Variants in PLEKHA2 observed in about 807,000 individuals in gnomAD.
PLEKHA2 encodes pleckstrin homology domain containing A2, also known as pleckstrin homology domain-containing family A member 2.
Under a neutral mutation model 53.2 loss-of-function variants are expected in PLEKHA2, and 28 were observed. The ratio of observed to expected loss-of-function variants is 0.53; its 90% CI spans 0.39 to 0.72. The LOEUF is 0.72. PLEKHA2 is among the 30% of genes least tolerant of loss of function. The pLI is 0.00. For missense variants in PLEKHA2, 426 were observed against 537.9 expected, an observed-to-expected ratio of 0.79 and a Z score of 2.06; for synonymous variants, 193 against 196.4, an observed-to-expected ratio of 0.98 and a Z score of 0.14.
At chr8:38,913,079 C>A (rs1254425984) in intron 1 of PLEKHA2, among the ~76,000 whole-genome samples, 1 of 152,080 alleles carries the variant, frequency 6.6e-6, no homozygotes, top group Non-Finnish European at 1.5e-5. Context: ...AAAAGACAGG[C>A]ATGACCAGGC....
intron 3 of PLEKHA2, among the ~76,000 whole-genome samples, chr8:38,939,380 G>T (rs1834556700): frequency 6.6e-6 from 1 of 152,224 alleles, no homozygotes; most frequent in South Asian, 2.1e-4. Flanking sequence ...GGCAGAACCA[G>T]AACCGATCCT....
intron 3 of PLEKHA2, among the ~76,000 whole-genome samples, chr8:38,940,454 G>A (rs1834584676): frequency 6.6e-6 from 1 of 152,024 alleles, no homozygotes; most frequent in South Asian, 2.1e-4. Flanking sequence ...TGGGTTCTGA[G>A]GGCTGGGATG....
At chr8:38,938,686 T>C (rs2129419707) in intron 3 of PLEKHA2, among the ~76,000 whole-genome samples, 1 of 152,302 alleles carries the variant, frequency 6.6e-6, no homozygotes. Flanking sequence ...CTCTGCTCGC[T>C]GCTGGGGTGT....
chr8:38,903,871 T>A (rs905700275), intron 1 of PLEKHA2, among the ~76,000 whole-genome samples: 1 of 152,202 alleles, frequency 6.6e-6, no homozygotes, highest in Non-Finnish European at 1.5e-5. Flanking sequence ...GCTGGGACGT[T>A]GGGTTGCTCT....
chr8:38,903,273 G>A (rs1370593594), intron 1 of PLEKHA2, among the ~76,000 whole-genome samples: 2 of 152,178 alleles, frequency 1.3e-5, no homozygotes, highest in Admixed American at 6.5e-5. Context: ...CTCCTAGTGG[G>A]GTTTTAGCTA....
chr8:38,952,783 G>T, intron 8 of PLEKHA2, 79 bp downstream of exon 8: 1 of 1,421,408 alleles, frequency 7.0e-7, no homozygotes, highest in Non-Finnish European at 9.8e-7. Flanking sequence ...AGGAGAGCGT[G>T]CATGAGTGGA....
intron 6 of PLEKHA2, 38 bp from the exon 7 acceptor site, chr8:38,952,124 TAGAG>T: frequency 8.2e-6 from 13 of 1,590,968 alleles, no homozygotes; most frequent in African/African-American, 1.3e-5. Flanking sequence ...TGTGGCTGCA[TAGAG>T]GGAGGGAGGC....
chr8:38,917,997 G>A lies in PLEKHA2; in HGVS notation c.68G>A (p.Gly23Asp). Reference sequence around the variant, plus strand: ...GACATCGAGGAGCATGAGAACAGCGGCAAGTTTCTGCGGAGGTACTTCATT... The same window carrying A: ...GACATCGAGGAGCATGAGAACAGCGACAAGTTTCTGCGGAGGTACTTCATT... ...FLDIEEHENS[G>D]KFLRRYFILD... Residue 23 changes from glycine to aspartate, a missense_variant, in exon 2 of 12, where the codon GGC (glycine) becomes GAC (aspartate). By Grantham distance (94) the Gly-to-Asp change is moderately conservative. Transcript: ENST00000617275. The A allele has an allele frequency of 1.2e-6, 2 of 1,613,628 alleles. No homozygotes were observed. The highest frequency in any genetic ancestry group is 1.7e-6 in the Non-Finnish European group (2 of 1,179,686).
chr8:38,927,743 GTGACAT>G (rs1564119495), intron 2 of PLEKHA2, among the ~76,000 whole-genome samples: 1 of 152,172 alleles, frequency 6.6e-6, no homozygotes, highest in Non-Finnish European at 1.5e-5. Flanking sequence ...ATCTCCACCT[GTGACAT>G]TGTTGCTGTG....
chr8:38,951,042 T>C (rs1424996996), intron 6 of PLEKHA2, 52 bp downstream of exon 6: 3 of 1,365,984 alleles, frequency 2.2e-6, no homozygotes, highest in African/African-American at 1.6e-5. Flanking sequence ...GAAGTGTCCA[T>C]GGTGTGCCCA....
In PLEKHA2 at chr8:38,917,980, G is replaced by A. The variant is rs1834091018; in HGVS notation, c.51G>A (p.Glu17=). ...QNRICGFLDI[E]EHENSGKFLR... Reference sequence around the variant, plus strand: ...GAATCTGTGGGTTTCTGGACATCGAGGAGCATGAGAACAGCGGCAAGTTTC... The same window carrying A: ...GAATCTGTGGGTTTCTGGACATCGAAGAGCATGAGAACAGCGGCAAGTTTC... The change falls in exon 2 of 12, where the codon GAG becomes GAA. Residue 17 remains glutamate, a synonymous_variant. Coordinates refer to ENST00000617275, the MANE Select transcript of PLEKHA2 (RefSeq NM_021623.2). 3 of 1,613,540 alleles carry A rather than the reference G, an allele frequency of 1.9e-6. No homozygotes were observed. In the South Asian group the frequency reaches 3.3e-5, roughly 18 times the overall value.
chr8:38,930,869 C>T (rs1347325515), intron 2 of PLEKHA2, among the ~76,000 whole-genome samples: 3 of 152,212 alleles, frequency 2.0e-5, no homozygotes, highest in Non-Finnish European at 4.4e-5. Context: ...CCATGACCTC[C>T]AACCTGGAAG....
chr8:38,971,645 C>G lies in PLEKHA2; in HGVS notation c.*1862C>G, dbSNP rs1009381888. The G allele has an allele frequency of 6.6e-6, 1 of 152,196 alleles. No individual in the cohort carries two copies. Among genetic ancestry groups the G allele is most frequent in the African/African-American group, 2.4e-5 (1 of 41,448 alleles). 9.4% of individuals were successfully genotyped at this position (152,196 alleles called of 1,614,324 possible). Reference sequence around the variant, plus strand: ...AATCTACCCATTTATCTCTCTCTCTCTCTTTTCTTTTAAATAAATTATCTG... The same window carrying G: ...AATCTACCCATTTATCTCTCTCTCTGTCTTTTCTTTTAAATAAATTATCTG... On this transcript the variant is annotated 3_prime_UTR_variant, in exon 12 of 12. Transcript: ENST00000617275.
At chr8:38,959,253 G>A (rs2129423692) in intron 10 of PLEKHA2, among the ~76,000 whole-genome samples, 1 of 152,272 alleles carries the variant, frequency 6.6e-6, no homozygotes, top group South Asian at 2.1e-4. Context: ...GAAAGATACA[G>A]CTAAGCTCAG....
At chr8:38,905,231 G>A (rs1218952543) in intron 1 of PLEKHA2, among the ~76,000 whole-genome samples, 1 of 152,076 alleles carries the variant, frequency 6.6e-6, no homozygotes, top group Admixed American at 6.6e-5. Flanking sequence ...CTGAGGTGGG[G>A]GGGATCACTT....
intron 4 of PLEKHA2, among the ~76,000 whole-genome samples, chr8:38,944,109 T>A (rs1834663024): frequency 6.6e-6 from 1 of 152,122 alleles, no homozygotes; most frequent in Non-Finnish European, 1.5e-5. Context: ...AGTTGACAAA[T>A]AATAATTATA....
At chr8:38,954,843 G>A (rs1184749709) in intron 9 of PLEKHA2, among the ~76,000 whole-genome samples, 1 of 152,020 alleles carries the variant, frequency 6.6e-6, no homozygotes, top group African/African-American at 2.4e-5. Context: ...GACCATCCTG[G>A]CCAACATAGC....
At chr8:38,906,972 C>A (rs1252067758) in intron 1 of PLEKHA2, among the ~76,000 whole-genome samples, 2 of 152,162 alleles carry the variant, frequency 1.3e-5, no homozygotes, top group Non-Finnish European at 2.9e-5. Flanking sequence ...TCTTTGAGAT[C>A]TCTGATGTTA....
At chr8:38,903,132 T>C (rs937632632) in intron 1 of PLEKHA2, among the ~76,000 whole-genome samples, 2 of 152,274 alleles carry the variant, frequency 1.3e-5, no homozygotes, top group Admixed American at 6.5e-5. Flanking sequence ...TGGTTGTTCC[T>C]CAAACCTGTA....
Sources: gnomAD v4.1 joint callset for allele counts (sites outside exome capture counted in the v4.1 genomes callset) on GRCh38, gnomAD v4.1.1 for gene constraint, MANE v1.5 for transcripts, NCBI Gene and HGNC (gene_info 2026-07-23, HGNC 2026-07-21) for gene names.